The following OR13A1 variants were observed in gnomAD, a reference collection of about 807,000 sequenced individuals.
The protein encoded by OR13A1 is olfactory receptor family 13 subfamily A member 1, also known as olfactory receptor 13A1.
A neutral mutation model predicts 7.5 loss-of-function variants in OR13A1; 10 were observed. The observed-to-expected ratio is 1.34, with a 90% CI of 0.83 to 2.27. OR13A1 has a LOEUF of 2.27. Ranked by LOEUF, OR13A1 falls within the 30% of genes most tolerant of loss-of-function variation. OR13A1 has a pLI of 0.00. For synonymous variants in OR13A1, 238 were observed against 177.9 expected, an observed-to-expected ratio of 1.34 and a Z score of -2.69; for missense variants, 509 against 419.1, an observed-to-expected ratio of 1.21 and a Z score of -1.87.
intron 1 of OR13A1, among the ~76,000 whole-genome samples, chr10:45,308,229 T>C (rs1392241916): frequency 1.3e-5 from 2 of 152,226 alleles, no homozygotes; most frequent in Non-Finnish European, 2.9e-5. Flanking sequence ...GAAAGACATT[T>C]TGAAGATAAC....
chr10:45,315,384 A>G (rs1362327104), intron 1 of OR13A1, 140 bp downstream of exon 1: 1 of 152,226 alleles, frequency 6.6e-6, no homozygotes, highest in African/African-American at 2.4e-5. Flanking sequence ...AGGACAAAAC[A>G]GCATGATCAT....
intron 3 of OR13A1, among the ~76,000 whole-genome samples, chr10:45,305,499 CTTTTTCTAT>C (rs2133037699): frequency 6.6e-6 from 1 of 152,320 alleles, no homozygotes; most frequent in African/African-American, 2.4e-5. Flanking sequence ...GTATTTTCTA[CTTTTTCTAT>C]AAAATGACCT....
At chr10:45,313,524 C>A (rs1838477641) in intron 1 of OR13A1, among the ~76,000 whole-genome samples, 1 of 151,888 alleles carries the variant, frequency 6.6e-6, no homozygotes, top group Admixed American at 6.6e-5. Flanking sequence ...CCAACTTTAT[C>A]CTGTCATTTA....
In OR13A1 at chr10:45,303,195, C is replaced by A; in HGVS notation, c.*241G>T. 2.0e-6 allele frequency: 1 copy of A among 498,246 alleles called. No homozygotes were observed. The highest frequency in any genetic ancestry group is 3.5e-6 in the Non-Finnish European group (1 of 283,632). The allele number at this position is 498,246 out of a possible 1,614,324, so 30.9% of individuals were successfully genotyped here. ...CCTAGGCCCTGTGTTTCTCTGCCAA[C>A]TCAGCACTGACACCACCTTGGAGTC... On this transcript the variant is annotated 3_prime_UTR_variant, in exon 4 of 4. Transcript: ENST00000553795.
At chr10:45,313,902 T>C (rs1274691842) in intron 1 of OR13A1, among the ~76,000 whole-genome samples, 1 of 152,096 alleles carries the variant, frequency 6.6e-6, no homozygotes, top group Non-Finnish European at 1.5e-5. Flanking sequence ...AACAACACTA[T>C]AAATAGTGCT....
intron 1 of OR13A1, among the ~76,000 whole-genome samples, chr10:45,308,461 C>A (rs12268890): frequency 1.3e-5 from 2 of 151,950 alleles, no homozygotes; most frequent in South Asian, 2.1e-4. Flanking sequence ...TTTATACAAA[C>A]GTATTTAAGG....
chr10:45,313,820 G>A (rs1327509262), intron 1 of OR13A1, among the ~76,000 whole-genome samples: 4 of 152,102 alleles, frequency 2.6e-5, no homozygotes, highest in South Asian at 2.1e-4. Context: ...AATGGTAGGC[G>A]ACTTCAATTC....
downstream of OR13A1, chr10:45,302,497 C>G (rs1838225921): frequency 6.6e-6 from 1 of 152,194 alleles, no homozygotes; most frequent in Admixed American, 6.5e-5. Flanking sequence ...GAAGAACCAT[C>G]CCATCTAAAT....
chr10:45,305,979 C>T (rs1838320042), intron 3 of OR13A1, among the ~76,000 whole-genome samples: 1 of 152,228 alleles, frequency 6.6e-6, no homozygotes, highest in African/African-American at 2.4e-5. Context: ...ACCCAGCCCC[C>T]TGCCTAGCAG....
At chr10:45,305,437 A>G (rs1363041357) in intron 3 of OR13A1, among the ~76,000 whole-genome samples, 1 of 152,238 alleles carries the variant, frequency 6.6e-6, no homozygotes, top group Admixed American at 6.5e-5. Context: ...GGTGAGTGCT[A>G]GACCAGAGCT....
Position 45,303,539 on chromosome 10 carries a change from A to T in OR13A1, c.884T>A (p.Leu295Gln), listed in dbSNP as rs1838251750. 6.2e-7 allele frequency: 1 copy of T among 1,614,122 alleles called. No individual in the cohort carries two copies. The highest frequency in any genetic ancestry group is 1.3e-5 in the African/African-American group (1 of 75,040). Residue 295 changes from leucine to glutamine, a missense_variant, in exon 4 of 4, where the codon CTG becomes CAG. Coordinates refer to ENST00000553795, the MANE Select transcript of OR13A1 (RefSeq NM_001004297.3). The part of the protein sequence containing the change: ...SAGKSKLAGL[L>Q]YTVLSPTLNP... The stretch of plus-strand genomic sequence containing the variant: ...GAGGGTAGGACTCAGCACAGTGTAC[A>T]GCAGGCCAGCCAACTTGCTCTTCCC...
At chr10:45,311,028 T>G (rs1838433679) in intron 1 of OR13A1, among the ~76,000 whole-genome samples, 1 of 152,192 alleles carries the variant, frequency 6.6e-6, no homozygotes, top group Non-Finnish European at 1.5e-5. Flanking sequence ...GGATCTGTGC[T>G]GCGAGATGAC....
chr10:45,310,680 G>A (rs930732581), intron 1 of OR13A1, among the ~76,000 whole-genome samples: 2 of 151,974 alleles, frequency 1.3e-5, no homozygotes, highest in Non-Finnish European at 2.9e-5. Flanking sequence ...TAGAGATAAG[G>A]AACTTAGGAA....
intron 1 of OR13A1, among the ~76,000 whole-genome samples, chr10:45,311,520 T>C (rs182274052): frequency 2.6e-5 from 4 of 152,278 alleles, no homozygotes; most frequent in Admixed American, 2.0e-4. Flanking sequence ...ATAATATCCA[T>C]ACTAGGTATA....
intron 1 of OR13A1, among the ~76,000 whole-genome samples, chr10:45,313,682 T>C (rs1838480016): frequency 6.6e-6 from 1 of 151,924 alleles, no homozygotes; most frequent in African/African-American, 2.4e-5. Flanking sequence ...AAAATGGATA[T>C]TATATAACAA....
chr10:45,312,669 G>C (rs1296140875), intron 1 of OR13A1, among the ~76,000 whole-genome samples: 1 of 151,982 alleles, frequency 6.6e-6, no homozygotes. Flanking sequence ...CTTGAAAGCA[G>C]CAAAAGAAAG....
rs184948227 is a variant in OR13A1 at position 45,303,609 on chromosome 10, C to T, written c.814G>A (p.Ala272Thr). ...GGGCTTATGTAGGCGTAGAAGACAG[C>T]GGTGTAATACATGCACACCACGGTG... ...HLTVVCMYYT[A>T]VFYAYISPVS... The change falls in exon 4 of 4, where the codon GCT becomes ACT. Residue 272 changes from alanine to threonine, a missense_variant. Transcript: ENST00000553795. 30 of 1,613,528 alleles carry T rather than the reference C, an allele frequency of 1.9e-5. No individual in the cohort carries two copies. The highest frequency in any genetic ancestry group is 9.4e-5 in the African/African-American group (7 of 74,704).
At chr10:45,314,608 G>GA (rs549107638) in intron 1 of OR13A1, among the ~76,000 whole-genome samples, 1 of 151,342 alleles carries the variant, frequency 6.6e-6, no homozygotes, top group African/African-American at 2.4e-5. Context: ...AAAAACAATA[G>GA]AAAAAAATCA....
At chr10:45,312,551 T>C (rs1411782418) in intron 1 of OR13A1, among the ~76,000 whole-genome samples, 1 of 148,090 alleles carries the variant, frequency 6.8e-6, no homozygotes, top group African/African-American at 2.5e-5. Flanking sequence ...GTTAAAGGAA[T>C]TCATCATCAG....
Sources: gnomAD v4.1 joint callset for allele counts (sites outside exome capture counted in the v4.1 genomes callset) on GRCh38, gnomAD v4.1.1 for gene constraint, MANE v1.5 for transcripts, NCBI Gene and HGNC (gene_info 2026-07-23, HGNC 2026-07-21) for gene names.